BRAF: variants seen among roughly 807,000 people sequenced by gnomAD.
BRAF encodes the protein serine/threonine-protein kinase B-raf.
Under a neutral mutation model 104.6 loss-of-function variants are expected in BRAF, and 16 were observed. That is an observed-to-expected ratio of 0.15 (90% CI 0.10 to 0.23). BRAF has a LOEUF of 0.23. Among genes scored for constraint, BRAF ranks in the 10% least tolerant of loss-of-function variants. The pLI, the probability that BRAF is intolerant of heterozygous loss-of-function variation, is 1.00. For synonymous variants in BRAF, 310 were observed against 341.6 expected (o/e 0.91, Z 1.02); for missense variants, 541 against 937.3 (o/e 0.58, Z 5.52).
Position 140,791,570 on chromosome 7 carries a change from C to T in BRAF, c.1140+2738G>A, listed in dbSNP as rs186047079. Among the ~76,000 whole-genome samples the T allele has an allele frequency of 1.1e-4, 16 of 139,596 alleles. No individual in the cohort carries two copies. In the South Asian group the frequency reaches 1.7e-3, roughly 15 times the overall value. 91.6% of individuals were successfully genotyped at this position (139,596 alleles called of 152,430 possible). Reference sequence around the variant, plus strand: ...CTCTTTGAGCAATTTACATCCATGGCTTTAACTGACATAAATATGCTAATT... The same window carrying T: ...CTCTTTGAGCAATTTACATCCATGGTTTTAACTGACATAAATATGCTAATT... On this transcript the variant is annotated intron_variant, in intron 8 of 19. Coordinates refer to ENST00000644969, the MANE Select transcript of BRAF (RefSeq NM_001374258.1).
chr7:140,726,438 C>T lies in BRAF; in HGVS notation c.*56G>A. 1.3e-6 allele frequency: 2 copies of T among 1,530,794 alleles called. No individual in the cohort carries two copies. The highest frequency in any genetic ancestry group is 1.7e-6 in the Non-Finnish European group (2 of 1,145,612). The allele number at this position is 1,530,794 out of a possible 1,614,324, so 94.8% of individuals were successfully genotyped here. ...GAACAGAACTGTGTTTTGATGTTAA[C>T]AAATTGTACGAACACAAGACTTAAG... On this transcript the variant is annotated 3_prime_UTR_variant, in exon 20 of 20. Coordinates refer to ENST00000644969, the MANE Select transcript of BRAF (RefSeq NM_001374258.1).
chr7:140,810,063 A>C (rs1206267630), intron 3 of BRAF, among the ~76,000 whole-genome samples: 1 of 152,182 alleles, frequency 6.6e-6, no homozygotes, highest in East Asian at 1.9e-4. Context: ...TTGTAACAAT[A>C]AGTTCCATTC....
intron 14 of BRAF, chr7:140,773,516 C>A (rs185735007): frequency 2.6e-5 from 4 of 152,068 alleles, no homozygotes; most frequent in African/African-American, 9.7e-5. Flanking sequence ...GTCATCAAAT[C>A]CCCATGTTTT....
intron 1 of BRAF, among the ~76,000 whole-genome samples, chr7:140,914,396 A>G (rs546706053): frequency 6.6e-6 from 1 of 152,326 alleles, no homozygotes; most frequent in South Asian, 2.1e-4. Flanking sequence ...TGCAGGAAGA[A>G]TATGAGTGGA....
chr7:140,855,703 G>A lies in BRAF; in HGVS notation c.139-5491C>T, dbSNP rs115597929. 6.3e-3 allele frequency among the ~76,000 whole-genome samples: 956 copies of A among 151,846 alleles called. 8 individuals are homozygous for A. Among genetic ancestry groups the A allele is most frequent in the African/African-American group, 0.022 (900 of 41,406 alleles). ...TTTAAGAAGCTAGCAAAACCTAGAT[G>A]TCAAAACTCAACAAAGATAACATAA... On this transcript the variant is annotated intron_variant, in intron 1 of 19. Coordinates refer to ENST00000644969, the MANE Select transcript of BRAF (RefSeq NM_001374258.1).
chr7:140,924,757 GGGAGGCGGAGAGCTGGGGGAGGC>G lies in BRAF; in HGVS notation c.-77_-55del, dbSNP rs1203828494. The G allele has an allele frequency of 4.4e-6, 3 of 677,464 alleles. No individual in the cohort carries two copies. Among genetic ancestry groups the G allele is most frequent in the Middle Eastern group, 3.8e-4 (1 of 2,656 alleles). 42.0% of individuals were successfully genotyped at this position (677,464 alleles called of 1,614,324 possible). A position where few individuals can be genotyped will look rare whatever the true frequency, so the allele number is the denominator to read the frequency against. On this transcript the variant is annotated 5_prime_UTR_variant, in exon 1 of 20. Transcript: ENST00000644969. This position sits in a 1 kb window ranked among gnomAD's most constrained non-coding sequence, Gnocchi z 4.2. ...GCCGCTGTCGGGCGGGGAGGGGGAAGGGAGGCGGAGAGCTGGGGGAGGCGGAGGCGGAGGCGGAGGCGGAGGAG... is the reference window on the plus strand; with the variant it reads ...GCCGCTGTCGGGCGGGGAGGGGGAAGGGAGGCGGAGGCGGAGGCGGAGGAG...
At chr7:140,729,445 G>A (rs949864976) in intron 19 of BRAF, among the ~76,000 whole-genome samples, 1 of 152,038 alleles carries the variant, frequency 6.6e-6, no homozygotes, top group African/African-American at 2.4e-5. Flanking sequence ...AGGAGTTCAA[G>A]ACCAGCCTGG....
intron 19 of BRAF, among the ~76,000 whole-genome samples, chr7:140,727,883 A>G: frequency 6.6e-6 from 1 of 152,168 alleles, no homozygotes; most frequent in African/African-American, 2.4e-5. Context: ...GGCCTCCCAA[A>G]GTGCTGGGAT....
chr7:140,824,115 T>C (rs1483478103), intron 3 of BRAF: 2 of 152,248 alleles, frequency 1.3e-5, no homozygotes, highest in Non-Finnish European at 2.9e-5. Flanking sequence ...CTGTTGATTA[T>C]ATCCTTTGAT....
At chr7:140,736,866 A>C (rs1490298225) in intron 18 of BRAF, among the ~76,000 whole-genome samples, 2 of 152,088 alleles carry the variant, frequency 1.3e-5, no homozygotes, top group Non-Finnish European at 2.9e-5. Flanking sequence ...GTGAGAATCT[A>C]TCTCTACAAC....
At chr7:140,903,220 C>A (rs1280279293) in intron 1 of BRAF, among the ~76,000 whole-genome samples, 1 of 152,176 alleles carries the variant, frequency 6.6e-6, no homozygotes, top group African/African-American at 2.4e-5. Flanking sequence ...GCCACCACGC[C>A]TGGCCTAGGA....
At chr7:140,907,030 T>C (rs1303123540) in intron 1 of BRAF, among the ~76,000 whole-genome samples, 1 of 152,226 alleles carries the variant, frequency 6.6e-6, no homozygotes, top group Non-Finnish European at 1.5e-5. Context: ...CTCCTCTCTT[T>C]CCAGAGCTCT....
At position 140,810,817 on chromosome 7, in the gene BRAF, C is replaced by T. The variant is rs1045834480; in HGVS notation, c.505-1822G>A. 2.0e-5 allele frequency among the ~76,000 whole-genome samples: 3 copies of T among 152,202 alleles called. No individual in the cohort carries two copies. The South Asian group carries it at 6.2e-4, about 31-fold the overall frequency. ...ATATTTGAGTCGCCTAATGCATGCA[C>T]CTCTCCAACTGAGGTTGAACAGTGA... is the stretch of plus-strand genomic sequence containing the variant. On this transcript the variant is annotated intron_variant, in intron 3 of 19. Coordinates refer to ENST00000644969, the MANE Select transcript of BRAF (RefSeq NM_001374258.1).
At chr7:140,834,416 C>A in intron 3 of BRAF, 193 bp downstream of exon 3, 1 of 800,518 alleles carries the variant, frequency 1.2e-6, no homozygotes, top group Non-Finnish European at 1.9e-6. Context: ...ACACTAGAGA[C>A]AATACCATTT....
At chr7:140,823,127 C>T (rs536139908) in intron 3 of BRAF, among the ~76,000 whole-genome samples, 164 of 152,238 alleles carry the variant, frequency 1.1e-3, no homozygotes, top group Middle Eastern at 6.8e-3. Context: ...TCCAGCCTAA[C>T]GTTTTACATA....
intron 16 of BRAF, 33 bp downstream of exon 15, chr7:140,753,242 T>C (rs752129530): frequency 2.7e-5 from 41 of 1,541,608 alleles, no homozygotes; most frequent in Non-Finnish European, 3.5e-5. Flanking sequence ...GGGCCAAAAA[T>C]TTAATCAGTG....
At chr7:140,717,499 T>C (rs118128136), downstream of BRAF, among the ~76,000 whole-genome samples, 334 of 152,296 alleles carry the variant, frequency 2.2e-3, 1 homozygote, top group Non-Finnish European at 4.1e-3. Context: ...CCTCCCACTT[T>C]AGCCTCCCAA....
intron 14 of BRAF, 113 bp downstream of exon 13, chr7:140,776,799 G>C (rs1800376977): frequency 9.6e-7 from 1 of 1,045,018 alleles, no homozygotes; most frequent in Non-Finnish European, 1.5e-6. Context: ...GCATCCTTAT[G>C]TTCCTGGACA....
At chr7:140,838,803 T>C (rs1231236213) in intron 2 of BRAF, among the ~76,000 whole-genome samples, 1 of 152,046 alleles carries the variant, frequency 6.6e-6, no homozygotes, top group African/African-American at 2.4e-5. Context: ...AACTAGTAAA[T>C]CCATAAAGGC....
Sources: gnomAD v4.1 joint callset for allele counts (sites outside exome capture counted in the v4.1 genomes callset) on GRCh38, gnomAD v4.1.1 for gene constraint, Gnocchi (gnomAD v3.1) non-coding constraint, MANE v1.5 for transcripts, NCBI Gene and HGNC (gene_info 2026-07-23, HGNC 2026-07-21) for gene names.